CHD9: variants seen among roughly 807,000 people sequenced by gnomAD.
CHD9 encodes chromodomain helicase DNA binding protein 9.
Under a neutral mutation model 316.1 loss-of-function variants are expected in CHD9, and 77 were observed. That is an observed-to-expected ratio of 0.24 (90% CI 0.20 to 0.29). CHD9 has a LOEUF of 0.29. Among genes scored for constraint, CHD9 ranks in the 10% least tolerant of loss-of-function variants. CHD9 has a pLI of 1.00. For missense variants in CHD9, 2,763 were observed against 3,438.1 expected (o/e 0.80, Z 4.91); for synonymous variants, 1,129 against 1,158.3 (o/e 0.97, Z 0.51).
chr16:53,323,222 G>A (rs1387368109), intron 38 of CHD9, among the ~76,000 whole-genome samples: 2 of 152,108 alleles, frequency 1.3e-5, no homozygotes, highest in East Asian at 3.8e-4. Context: ...ATATTGAAGT[G>A]ACAATATTCA....
At chr16:53,159,995 C>A (rs1169874198) in intron 2 of CHD9, among the ~76,000 whole-genome samples, 1 of 152,190 alleles carries the variant, frequency 6.6e-6, no homozygotes, top group Non-Finnish European at 1.5e-5. Context: ...TTAAAAGACA[C>A]TTATAAACCC....
chr16:53,315,572 G>A (rs938845054), intron 36 of CHD9, among the ~76,000 whole-genome samples: 33 of 151,974 alleles, frequency 2.2e-4, no homozygotes, highest in African/African-American at 7.0e-4. Context: ...TCTGCCTCCC[G>A]GATTCAAGCG....
At chr16:53,292,325 T>TA (rs1417048083) in intron 28 of CHD9, among the ~76,000 whole-genome samples, 2 of 152,328 alleles carry the variant, frequency 1.3e-5, no homozygotes, top group Admixed American at 1.3e-4. Flanking sequence ...ATTATAGTAT[T>TA]ACACCTTAGA....
intron 1 of CHD9, among the ~76,000 whole-genome samples, chr16:53,125,227 T>A (rs969745502): frequency 1.1e-4 from 16 of 145,110 alleles, no homozygotes; most frequent in Admixed American, 2.7e-4. Context: ...GATTTTTTTT[T>A]TTTTTTTTTT....
At chr16:53,205,460 G>C (rs967149874) in intron 2 of CHD9, among the ~76,000 whole-genome samples, 1 of 152,262 alleles carries the variant, frequency 6.6e-6, no homozygotes. Flanking sequence ...GGCAGAATTT[G>C]ATGACTGCTT....
intron 1 of CHD9, among the ~76,000 whole-genome samples, chr16:53,086,681 G>A (rs1279215898): frequency 6.6e-6 from 1 of 152,120 alleles, no homozygotes; most frequent in Non-Finnish European, 1.5e-5. Context: ...AGCACAAAAT[G>A]TTTTTTATTA....
At chr16:53,134,913 A>C (rs1230884986) in intron 1 of CHD9, among the ~76,000 whole-genome samples, 1 of 152,212 alleles carries the variant, frequency 6.6e-6, no homozygotes, top group African/African-American at 2.4e-5. Context: ...TAACAGTGCA[A>C]ACAGATAAAG....
intron 2 of CHD9, among the ~76,000 whole-genome samples, chr16:53,180,687 T>A (rs2043432886): frequency 6.6e-6 from 1 of 152,080 alleles, no homozygotes. Context: ...TTTATTATTT[T>A]TTTTTGATAC....
At position 53,156,229 on chromosome 16, in the gene CHD9, C is replaced by A; in HGVS notation, c.140C>A (p.Pro47Gln). 6.2e-7 allele frequency: 1 copy of A among 1,613,926 alleles called. No homozygotes were observed. Among genetic ancestry groups the A allele is most frequent in the Non-Finnish European group, 8.5e-7 (1 of 1,179,882 alleles). ...DELNLGAEFE[P>Q]LHIDSLNHVQ... ...TTGAATTTGGGTGCAGAATTTGAAC[C>A]GTTGCACATAGATTCACTGAACCAT... The change falls in exon 2 of 39, where the codon CCG becomes CAG. Residue 47 changes from proline (P) to glutamine (Q), a missense_variant. Pro to Gln is a moderately conservative substitution (Grantham distance 76, BLOSUM62 -1). Coordinates refer to ENST00000447540, the MANE Select transcript of CHD9 (RefSeq NM_001308319.2).
chr16:53,199,669 A>G (rs2045261145), intron 2 of CHD9, among the ~76,000 whole-genome samples: 1 of 152,052 alleles, frequency 6.6e-6, no homozygotes, highest in Admixed American at 6.6e-5. Flanking sequence ...ATGTATACCC[A>G]TTATTTGGCT....
At chr16:53,124,182 C>T (rs956203000) in intron 1 of CHD9, among the ~76,000 whole-genome samples, 4 of 152,158 alleles carry the variant, frequency 2.6e-5, no homozygotes, top group Admixed American at 6.5e-5. Context: ...TTTACATTCC[C>T]ACCAGCAGTG....
chr16:53,322,477 A>AGCTGAG (rs933526224), intron 38 of CHD9, among the ~76,000 whole-genome samples: 9 of 151,712 alleles, frequency 5.9e-5, no homozygotes, highest in Non-Finnish European at 1.3e-4. Context: ...CAGTAGTCCC[A>AGCTGAG]GCTGAGGCTG....
At chr16:53,249,129 T>C (rs1343573026) in intron 16 of CHD9, among the ~76,000 whole-genome samples, 1 of 152,164 alleles carries the variant, frequency 6.6e-6, no homozygotes, top group Non-Finnish European at 1.5e-5. Context: ...ATAAATTTCA[T>C]GGAAAATTCA....
intron 1 of CHD9, among the ~76,000 whole-genome samples, chr16:53,134,520 A>G (rs2039574033): frequency 6.6e-6 from 1 of 152,150 alleles, no homozygotes; most frequent in South Asian, 2.1e-4. Context: ...ACTCAGGTCA[A>G]ATTCCACCTT....
chr16:53,148,858 G>C (rs1223224498), intron 1 of CHD9, among the ~76,000 whole-genome samples: 2 of 152,140 alleles, frequency 1.3e-5, no homozygotes, highest in Non-Finnish European at 2.9e-5. Context: ...GTACAATTAG[G>C]TTATTAATTT....
intron 1 of CHD9, among the ~76,000 whole-genome samples, chr16:53,146,243 A>AAT (rs1449868547): frequency 2.9e-4 from 43 of 147,100 alleles, no homozygotes; most frequent in Admixed American, 1.1e-3. Flanking sequence ...AAAAAAAAAA[A>AAT]TTAGTCGGGC....
intron 1 of CHD9, among the ~76,000 whole-genome samples, chr16:53,115,211 G>T (rs2038198362): frequency 6.6e-6 from 1 of 152,140 alleles, no homozygotes; most frequent in African/African-American, 2.4e-5. Flanking sequence ...AACAGCTTGG[G>T]ATGCTGTCAA....
intron 2 of CHD9, among the ~76,000 whole-genome samples, chr16:53,162,515 T>G (rs1011745839): frequency 7.2e-5 from 11 of 152,198 alleles, no homozygotes; most frequent in African/African-American, 2.7e-4. Flanking sequence ...CTGTGTGATC[T>G]CTCAATGTTT....
At chr16:53,234,372 GAAGT>G (rs2048435554) in intron 10 of CHD9, among the ~76,000 whole-genome samples, 1 of 152,088 alleles carries the variant, frequency 6.6e-6, no homozygotes, top group Admixed American at 6.6e-5. Context: ...ATGTTGAATA[GAAGT>G]TGTCACAGAG....
Sources: gnomAD v4.1 joint callset for allele counts (sites outside exome capture counted in the v4.1 genomes callset) on GRCh38, gnomAD v4.1.1 for gene constraint, MANE v1.5 for transcripts, NCBI Gene and HGNC (gene_info 2026-07-23, HGNC 2026-07-21) for gene names.